Variants in MSR1 observed in about 807,000 individuals in gnomAD.
MSR1 encodes the protein macrophage scavenger receptor 1, also known as macrophage scavenger receptor types I and II.
MSR1 carries 53 observed loss-of-function variants against 47.2 expected under a neutral mutation model. The ratio of observed to expected loss-of-function variants is 1.12; its 90% CI spans 0.90 to 1.41. The LOEUF (loss-of-function observed/expected upper bound fraction) is 1.41. Ranked by LOEUF, MSR1 falls within the 40% of genes most tolerant of loss-of-function variation. The pLI is 0.00. For synonymous variants in MSR1, 239 were observed against 185.6 expected, an observed-to-expected ratio of 1.29 and a Z score of -2.34; for missense variants, 786 against 546.9, an observed-to-expected ratio of 1.44 and a Z score of -4.36.
chr8:16,164,284 G>A (rs1350595910), intron 4 of MSR1, 33 bp from the exon 5 acceptor site: 1 of 1,562,850 alleles, frequency 6.4e-7, no homozygotes, highest in East Asian at 2.3e-5. Context: ...CACAGCCTTT[G>A]TTACATACAT....
chr8:16,187,417 G>C (rs1802036361), intron 1 of MSR1, among the ~76,000 whole-genome samples: 1 of 131,016 alleles, frequency 7.6e-6, no homozygotes. Context: ...AAGCAAGCAA[G>C]CAAGCTGACT....
intron 6 of MSR1, among the ~76,000 whole-genome samples, chr8:16,151,486 TA>T (rs1435496811): frequency 6.6e-6 from 1 of 152,150 alleles, no homozygotes; most frequent in East Asian, 1.9e-4. Context: ...GTTCAAAATG[TA>T]GTCCCCAAAA....
chr8:16,191,593 C>T (rs892515190), intron 1 of MSR1, among the ~76,000 whole-genome samples: 1 of 151,816 alleles, frequency 6.6e-6, no homozygotes, highest in Non-Finnish European at 1.5e-5. Flanking sequence ...GTATTTTCTC[C>T]ATTTTACAGG....
intron 8 of MSR1, among the ~76,000 whole-genome samples, chr8:16,132,486 T>G (rs2117087388): frequency 6.6e-6 from 1 of 152,162 alleles, no homozygotes; most frequent in South Asian, 2.1e-4. Flanking sequence ...ATTTCTTTTT[T>G]TGTTTTGTTT....
In MSR1 at chr8:16,110,228, T is replaced by C. The variant is rs752413879; in HGVS notation, c.1223-10A>G. 6.2e-7 allele frequency: 1 copy of C among 1,613,092 alleles called. No homozygotes were observed. The highest frequency in any genetic ancestry group is 1.7e-5 in the Admixed American group (1 of 60,000). ...CATATTGGACCAGTACCTGCAATAA[T>C]GAGGTATAACTGCATTAGTAAGTTT... On this transcript the variant is annotated splice_polypyrimidine_tract_variant and intron_variant, in intron 9 of 9. Transcript: ENST00000262101.
At chr8:16,176,929 T>A (rs528509631) in intron 2 of MSR1, among the ~76,000 whole-genome samples, 1 of 152,346 alleles carries the variant, frequency 6.6e-6, no homozygotes, top group Non-Finnish European at 1.5e-5. Context: ...TATGAGGCTT[T>A]AACTTTGTAT....
intron 5 of MSR1, among the ~76,000 whole-genome samples, chr8:16,162,863 C>T (rs1257468357): frequency 2.6e-5 from 4 of 151,890 alleles, no homozygotes; most frequent in African/African-American, 9.6e-5. Context: ...GTCCTACCAG[C>T]CTGACTACTT....
At chr8:16,128,942 T>C (rs1220695624) in intron 8 of MSR1, among the ~76,000 whole-genome samples, 1 of 152,304 alleles carries the variant, frequency 6.6e-6, no homozygotes, top group Admixed American at 6.5e-5. Flanking sequence ...GTCCTTTTGG[T>C]GCAGAAATAG....
At chr8:16,189,058 A>C (rs1384936894) in intron 1 of MSR1, among the ~76,000 whole-genome samples, 1 of 145,846 alleles carries the variant, frequency 6.9e-6, no homozygotes, top group Non-Finnish European at 1.5e-5. Flanking sequence ...ATATATATAA[A>C]ACCTTATTTT....
intron 9 of MSR1, among the ~76,000 whole-genome samples, chr8:16,120,204 C>A (rs1799966008): frequency 6.6e-6 from 1 of 151,710 alleles, no homozygotes; most frequent in Non-Finnish European, 1.5e-5. Flanking sequence ...GGTGAAACCC[C>A]ATCTCTACTA....
intron 5 of MSR1, among the ~76,000 whole-genome samples, chr8:16,158,540 C>A (rs1345436242): frequency 6.6e-6 from 1 of 151,870 alleles, no homozygotes; most frequent in Non-Finnish European, 1.5e-5. Flanking sequence ...GAGCATTAAT[C>A]TTCTACTCCG....
chr8:16,133,079 C>A (rs1396247180), intron 8 of MSR1, among the ~76,000 whole-genome samples: 1 of 151,966 alleles, frequency 6.6e-6, no homozygotes, highest in Non-Finnish European at 1.5e-5. Context: ...TATTGATTTG[C>A]AAACTTTTCC....
intron 2 of MSR1, among the ~76,000 whole-genome samples, chr8:16,175,976 G>A (rs928475229): frequency 2.0e-5 from 3 of 151,922 alleles, no homozygotes; most frequent in East Asian, 3.9e-4. Flanking sequence ...TTATATAATG[G>A]GATATTAATT....
At chr8:16,183,898 T>C in intron 1 of MSR1, among the ~76,000 whole-genome samples, 1 of 120,976 alleles carries the variant, frequency 8.3e-6, no homozygotes, top group African/African-American at 3.0e-5. Context: ...AATATATAAT[T>C]ATATATATAT....
In MSR1 at chr8:16,110,185, C is replaced by T; in HGVS notation, c.1256G>A (p.Cys419Tyr). 2 of 1,613,616 alleles carry T rather than the reference C, an allele frequency of 1.2e-6. No homozygotes were observed. The highest frequency in any genetic ancestry group is 1.7e-6 in the Non-Finnish European group (2 of 1,179,664). Residue 419 changes from cysteine (C) to tyrosine (Y), a missense_variant, in exon 10 of 10, where the codon TGT becomes TAT. By Grantham distance (194) the Cys-to-Tyr change is radical. Coordinates refer to ENST00000262101, the MANE Select transcript of MSR1 (RefSeq NM_138715.3). ...TGPIWLNEVF[C>Y]FGRESSIEEC... Reference sequence around the variant, plus strand: ...TTCAATAGATGATTCTCTCCCAAAACAAAACACTTCATTCAGCCATATTGG... The same window carrying T: ...TTCAATAGATGATTCTCTCCCAAAATAAAACACTTCATTCAGCCATATTGG...
chr8:16,185,111 T>C (rs1212566599), intron 1 of MSR1, among the ~76,000 whole-genome samples: 1 of 151,588 alleles, frequency 6.6e-6, no homozygotes, highest in East Asian at 2.0e-4. Context: ...CAAAAGGGAT[T>C]GGTTTATCAT....
intron 2 of MSR1, among the ~76,000 whole-genome samples, chr8:16,176,506 C>T (rs972276470): frequency 8.2e-5 from 6 of 73,580 alleles, no homozygotes; most frequent in African/African-American, 1.8e-4. Context: ...GACCCTGTCT[C>T]AAAAAGAAAA....
rs570620910 is a variant in MSR1, at chr8:16,177,444, C to T, written c.103+442G>A. On this transcript the variant is annotated intron_variant, in intron 2 of 9. Coordinates refer to ENST00000262101, the MANE Select transcript of MSR1 (RefSeq NM_138715.3). ...TGGGAGGAGGCACAGGAAGATTCTT[C>T]TCTAGAGCCTTCGAAAGGGCACATG... 3.9e-5 allele frequency among the ~76,000 whole-genome samples: 6 copies of T among 152,178 alleles called. No individual in the cohort carries two copies. In the East Asian group the frequency reaches 1.2e-3, roughly 30 times the overall value.
Position 16,168,474 on chromosome 8 carries a change from G to C in MSR1, c.614C>G (p.Thr205Ser). Residue 205 changes from threonine (T) to serine (S), a missense_variant, in exon 4 of 10, where the codon ACC becomes AGC. By Grantham distance (58) the Thr-to-Ser change is moderately conservative (BLOSUM62 1). Coordinates refer to ENST00000262101, the MANE Select transcript of MSR1 (RefSeq NM_138715.3). ...ENLNGKIQEN[T>S]FKQQEEISKL... ...AACTCTTACCTCTTGTTGTTTGAAG[G>C]TATTCTCTTGGATTTTGCCATTCAG... is the stretch of plus-strand genomic sequence containing the variant. The C allele has an allele frequency of 6.2e-7, 1 of 1,614,070 alleles. No homozygotes were observed.
Sources: allele counts gnomAD v4.1 joint callset (sites outside exome capture counted in the v4.1 genomes callset), GRCh38; gene constraint gnomAD v4.1.1; transcripts MANE v1.5; gene names NCBI Gene and HGNC (gene_info 2026-07-23, HGNC 2026-07-21).